Variants in TENM3 observed in about 807,000 individuals in gnomAD.
TENM3 encodes teneurin-3.
TENM3 carries 63 observed loss-of-function variants against 255.1 expected under a neutral mutation model. That is an observed-to-expected ratio of 0.25 (90% confidence interval 0.20 to 0.30). TENM3 has a LOEUF of 0.30. Ranked by LOEUF, TENM3 falls within the 10% of genes least tolerant of loss-of-function variation. TENM3 has a pLI of 1.00. For synonymous variants in TENM3, 1,306 were observed against 1,322.3 expected (o/e 0.99, Z 0.27); for missense variants, 2,929 against 3,461.1 (o/e 0.85, Z 3.86).
At chr4:181,667,503 C>T in the TENM3 span, among the ~76,000 whole-genome samples, 23,156 of 152,100 alleles carry the variant, frequency 0.15, 2,182 homozygotes, top group East Asian at 0.21. Context: ...AGTGGTTTGG[C>T]CACAAAGCCT....
chr4:182,193,571 A>G (rs965810230), intron 1 of TENM3, among the ~76,000 whole-genome samples: 1 of 152,232 alleles, frequency 6.6e-6, no homozygotes, highest in Non-Finnish European at 1.5e-5. Flanking sequence ...CGTACATTCC[A>G]TGCGTCCCAG....
chr4:182,150,339 T>C (rs1200717113), intron 1 of TENM3, among the ~76,000 whole-genome samples: 2 of 152,028 alleles, frequency 1.3e-5, no homozygotes, highest in Non-Finnish European at 2.9e-5. Flanking sequence ...GCAGGGTGTG[T>C]GACAGGAAAA....
At chr4:181,600,267 G>C in the TENM3 span, among the ~76,000 whole-genome samples, 1 of 152,162 alleles carries the variant, frequency 6.6e-6, no homozygotes, top group Non-Finnish European at 1.5e-5. Flanking sequence ...ACAGAATGCT[G>C]TTTTGAACAT....
the TENM3 span, among the ~76,000 whole-genome samples, chr4:181,511,013 G>T: frequency 3.9e-5 from 6 of 152,140 alleles, no homozygotes; most frequent in South Asian, 4.1e-4. Context: ...ATTTACTTTG[G>T]GGGGAGGGTG....
the TENM3 span, among the ~76,000 whole-genome samples, chr4:181,748,832 G>A: frequency 1.3e-5 from 2 of 152,032 alleles, no homozygotes; most frequent in African/African-American, 2.4e-5. Context: ...ACAGGAGGCC[G>A]AGGGCCAGGT....
the TENM3 span, among the ~76,000 whole-genome samples, chr4:181,737,498 A>G: frequency 6.6e-6 from 1 of 152,142 alleles, no homozygotes; most frequent in Non-Finnish European, 1.5e-5. Context: ...TGTCGCTGGA[A>G]GATGTCTTCA....
intron 11 of TENM3, among the ~76,000 whole-genome samples, chr4:182,686,080 C>G (rs1756552457): frequency 6.6e-6 from 1 of 151,934 alleles, no homozygotes; most frequent in African/African-American, 2.4e-5. Flanking sequence ...TAAATGACTG[C>G]TTAATCATAG....
chr4:182,221,493 C>T (rs931190599), intron 1 of TENM3, among the ~76,000 whole-genome samples: 17 of 152,164 alleles, frequency 1.1e-4, no homozygotes, highest in African/African-American at 3.6e-4. Flanking sequence ...ATAAAAATAC[C>T]AGAGCTGAAA....
intron 3 of TENM3, among the ~76,000 whole-genome samples, chr4:182,373,461 G>C (rs56776393): frequency 6.6e-6 from 1 of 152,194 alleles, no homozygotes; most frequent in South Asian, 2.1e-4. Flanking sequence ...GCTTTTACTC[G>C]TGGAGGACGG....
At chr4:182,485,983 G>C (rs1734664293) in intron 3 of TENM3, among the ~76,000 whole-genome samples, 1 of 152,118 alleles carries the variant, frequency 6.6e-6, no homozygotes, top group African/African-American at 2.4e-5. Context: ...GCTGATACCT[G>C]AGCAATGAAG....
chr4:182,216,481 C>T (rs1233352387), intron 1 of TENM3, among the ~76,000 whole-genome samples: 1 of 152,182 alleles, frequency 6.6e-6, no homozygotes, highest in Non-Finnish European at 1.5e-5. Context: ...AAGCAGAAAT[C>T]ATCCTGATAT....
chr4:181,513,100 A>T, the TENM3 span, among the ~76,000 whole-genome samples: 1 of 152,098 alleles, frequency 6.6e-6, no homozygotes, highest in African/African-American at 2.4e-5. Context: ...GTTTACAAAA[A>T]GTTGTCTATA....
At chr4:182,135,753 T>C in the TENM3 span, among the ~76,000 whole-genome samples, 1 of 152,186 alleles carries the variant, frequency 6.6e-6, no homozygotes, top group Non-Finnish European at 1.5e-5. Flanking sequence ...CAGACAGAAA[T>C]GTGACTTGTA....
At chr4:182,738,743 A>G (rs909550399) in intron 18 of TENM3, among the ~76,000 whole-genome samples, 199 bp downstream of exon 18, 4 of 152,198 alleles carry the variant, frequency 2.6e-5, no homozygotes, top group African/African-American at 9.6e-5. Flanking sequence ...TACTTTCTTA[A>G]TATACTTTAA....
At chr4:182,634,671 C>A (rs917751367) in intron 5 of TENM3, among the ~76,000 whole-genome samples, 4 of 148,882 alleles carry the variant, frequency 2.7e-5, no homozygotes, top group Non-Finnish European at 4.4e-5. Context: ...TTCTCTGGGC[C>A]CTGATGTACT....
the TENM3 span, among the ~76,000 whole-genome samples, chr4:181,819,636 C>T: frequency 1.2e-4 from 19 of 152,252 alleles, no homozygotes; most frequent in East Asian, 2.3e-3. Flanking sequence ...GATTGCAGGA[C>T]GAAACTGTTG....
chr4:182,169,961 G>A (rs1032085871), intron 1 of TENM3, among the ~76,000 whole-genome samples: 2 of 151,382 alleles, frequency 1.3e-5, no homozygotes, highest in African/African-American at 4.9e-5. Context: ...ATCGCTTATA[G>A]TTTCCGATTG....
chr4:181,758,009 G>A, the TENM3 span, among the ~76,000 whole-genome samples: 96 of 152,184 alleles, frequency 6.3e-4, no homozygotes, highest in African/African-American at 2.2e-3. Context: ...CCAGCCCTAA[G>A]CCACAAATAT....
intron 3 of TENM3, among the ~76,000 whole-genome samples, chr4:182,519,482 C>T (rs1738339977): frequency 6.6e-6 from 1 of 152,138 alleles, no homozygotes; most frequent in Non-Finnish European, 1.5e-5. Context: ...TTTCCCTCTC[C>T]ACAGTTTATT....
Sources: gnomAD v4.1 joint callset for allele counts (sites outside exome capture counted in the v4.1 genomes callset) on GRCh38, gnomAD v4.1.1 for gene constraint, MANE v1.5 for transcripts, NCBI Gene and HGNC (gene_info 2026-07-23, HGNC 2026-07-21) for gene names.